The following DMD variants were observed in gnomAD, a reference collection of about 807,000 sequenced individuals.
DMD encodes mutant dystrophin.
A neutral mutation model predicts 330.1 loss-of-function variants in DMD; 63 were observed. The observed-to-expected ratio is 0.19, with a 90% CI of 0.16 to 0.24. The LOEUF is 0.24. Ranked by LOEUF, DMD falls within the 10% of genes least tolerant of loss-of-function variation. The pLI is 1.00. For missense variants in DMD, 3,344 were observed against 2,684.1 expected, an observed-to-expected ratio of 1.25 and a Z score of -5.43; for synonymous variants, 1,223 against 959.8, an observed-to-expected ratio of 1.27 and a Z score of -5.07.
At chrX:31,945,358 A>G (rs1276302394) in intron 45 of DMD, among the ~76,000 whole-genome samples, 2 of 111,891 alleles carry the variant, frequency 1.8e-5, no homozygotes, top group Non-Finnish European at 3.8e-5. Flanking sequence ...ATTTTTTGAG[A>G]TGGAGTCTCG....
chrX:32,585,699 CAAAAAAAAAAAAAAAAAA>C (rs61394183), intron 13 of DMD, among the ~76,000 whole-genome samples: 3 of 31,931 alleles, frequency 9.4e-5, no homozygotes, highest in Admixed American at 6.7e-4. Flanking sequence ...GACTCCGTCT[CAAAAAAAAAAAAAAAAAA>C]AAAAAAAAAA....
chrX:32,771,993 G>A (rs2073662346), intron 7 of DMD, among the ~76,000 whole-genome samples: 1 of 111,940 alleles, frequency 8.9e-6, no homozygotes, highest in African/African-American at 3.2e-5. Flanking sequence ...CTATGCCATA[G>A]CCAATTCAAG....
chrX:31,361,575 T>A (rs1037015963), intron 60 of DMD, among the ~76,000 whole-genome samples: 2 of 111,209 alleles, frequency 1.8e-5, no homozygotes, highest in Non-Finnish European at 3.8e-5. Context: ...CAGAACATCA[T>A]TGTCCTAGGT....
chrX:32,205,010 TACACACACA>T (rs2097059623), intron 44 of DMD, among the ~76,000 whole-genome samples: 25 of 53,067 alleles, frequency 4.7e-4, no homozygotes, highest in Non-Finnish European at 8.1e-4. Context: ...CTCTCTCACA[TACACACACA>T]CACACACACA....
At chrX:33,269,441 G>C (rs1285732512) in intron 1 of DMD, among the ~76,000 whole-genome samples, 3 of 110,735 alleles carry the variant, frequency 2.7e-5, no homozygotes, top group Non-Finnish European at 5.7e-5. Context: ...TACTAGAGTG[G>C]GGAGGGACCG....
At chrX:32,285,227 T>A (rs2097435346) in intron 43 of DMD, among the ~76,000 whole-genome samples, 1 of 111,597 alleles carries the variant, frequency 9.0e-6, no homozygotes, top group Non-Finnish European at 1.9e-5. Context: ...GTGGGTGGCC[T>A]AGAATGCTTG....
intron 2 of DMD, among the ~76,000 whole-genome samples, chrX:32,979,335 C>T (rs2092640280): frequency 8.9e-6 from 1 of 111,855 alleles, no homozygotes; most frequent in Admixed American, 9.5e-5. Flanking sequence ...ATTAGTTTAA[C>T]ATGACCTACT....
intron 7 of DMD, among the ~76,000 whole-genome samples, chrX:32,778,467 A>G (rs2074393538): frequency 9.0e-6 from 1 of 111,496 alleles, no homozygotes; most frequent in African/African-American, 3.3e-5. Context: ...GTAGTATTCA[A>G]TTACTGTTGT....
intron 18 of DMD, among the ~76,000 whole-genome samples, chrX:32,512,558 C>A (rs953016188): frequency 8.9e-6 from 1 of 112,238 alleles, no homozygotes; most frequent in East Asian, 2.8e-4. Flanking sequence ...AGCCACTTCA[C>A]GTTCAAGTCC....
intron 54 of DMD, among the ~76,000 whole-genome samples, chrX:31,638,513 T>C (rs951520939): frequency 3.6e-5 from 4 of 112,454 alleles, no homozygotes; most frequent in African/African-American, 1.3e-4. Flanking sequence ...TTCTAAGCCA[T>C]CCAATTTATC....
intron 30 of DMD, among the ~76,000 whole-genome samples, chrX:32,400,433 T>C (rs2098078329): frequency 9.0e-6 from 1 of 111,279 alleles, no homozygotes; most frequent in Admixed American, 9.6e-5. Flanking sequence ...TTTGGTTGTG[T>C]CTCTGCCCGG....
chrX:31,219,876 C>T (rs757097849), intron 64 of DMD, among the ~76,000 whole-genome samples: 8 of 74,292 alleles, frequency 1.1e-4, no homozygotes, highest in Middle Eastern at 6.8e-3. Context: ...ACATATTGTG[C>T]CACATAATGA....
chrX:32,429,922 T>A (rs2098231185), intron 29 of DMD, among the ~76,000 whole-genome samples: 1 of 111,542 alleles, frequency 9.0e-6, no homozygotes, highest in South Asian at 3.7e-4. Flanking sequence ...ACTTATTGCA[T>A]CTAAAACCTT....
At chrX:32,663,392 GAACA>G (rs924919284) in intron 9 of DMD, among the ~76,000 whole-genome samples, 4 of 111,345 alleles carry the variant, frequency 3.6e-5, no homozygotes, top group African/African-American at 1.3e-4. Flanking sequence ...ACTGGCAATT[GAACA>G]AATAATAAAA....
At chrX:32,398,221 A>G (rs1034213930) in intron 30 of DMD, among the ~76,000 whole-genome samples, 6 of 109,493 alleles carry the variant, frequency 5.5e-5, no homozygotes, top group Non-Finnish European at 1.1e-4. Flanking sequence ...AACAAGTAAA[A>G]AAAGAAGAAA....
chrX:32,155,810 A>C (rs2096827427), intron 44 of DMD, among the ~76,000 whole-genome samples: 2 of 111,886 alleles, frequency 1.8e-5, no homozygotes, highest in Admixed American at 9.5e-5. Flanking sequence ...CACAGTCAGC[A>C]CTTGATAAAT....
chrX:32,442,658 C>G lies in DMD; in HGVS notation c.3787-1344G>C, dbSNP rs141779565. Among the ~76,000 whole-genome samples the G allele has an allele frequency of 3.3e-3, 364 of 110,750 alleles. 2 individuals carry two copies. Among genetic ancestry groups the G allele is most frequent in the African/African-American group, 0.011 (346 of 30,630 alleles). On this transcript the variant is annotated intron_variant, in intron 27 of 78. Transcript: ENST00000357033. Reference sequence around the variant, plus strand: ...CTCCACTTTTTGATATGTGCATCCTCAGAGAAACTGTTTAACATGGATAAC... The same window carrying G: ...CTCCACTTTTTGATATGTGCATCCTGAGAGAAACTGTTTAACATGGATAAC...
intron 2 of DMD, among the ~76,000 whole-genome samples, chrX:32,850,534 ATACT>A (rs2081053778): frequency 8.9e-6 from 1 of 112,095 alleles, no homozygotes; most frequent in Admixed American, 9.5e-5. Flanking sequence ...TAGCAGTAAC[ATACT>A]TAACCTCTAA....
In DMD at chrX:33,098,900, A is replaced by G. The variant is rs1027534754; in HGVS notation, c.32-78700T>C. The stretch of plus-strand genomic sequence containing the variant: ...AACTTTTCAAAAGAGACAAAGGCAG[A>G]GGAGAACAAAGGAAGGAGGAAGTAA... On this transcript the variant is annotated intron_variant, in intron 1 of 78. Transcript: ENST00000357033. 1.8e-5 allele frequency among the ~76,000 whole-genome samples: 2 copies of G among 111,718 alleles called. 1 individual carries two copies. Among genetic ancestry groups the G allele is most frequent in the Non-Finnish European group, 3.8e-5 (2 of 53,168 alleles).
Sources: gnomAD v4.1 joint callset for allele counts (sites outside exome capture counted in the v4.1 genomes callset) on GRCh38, gnomAD v4.1.1 for gene constraint, MANE v1.5 for transcripts, NCBI Gene and HGNC (gene_info 2026-07-23, HGNC 2026-07-21) for gene names.